ASCC3: variants seen among roughly 807,000 people sequenced by gnomAD.
ASCC3 encodes the protein activating signal cointegrator 1 complex subunit 3.
Under a neutral mutation model 256.3 loss-of-function variants are expected in ASCC3, and 158 were observed. The observed-to-expected ratio is 0.62, with a 90% CI of 0.54 to 0.70. The LOEUF (loss-of-function observed/expected upper bound fraction) is 0.70, where lower values mean the gene tolerates loss of function less well. Ranked by LOEUF, ASCC3 falls within the 30% of genes least tolerant of loss-of-function variation. The pLI is 0.00. For synonymous variants in ASCC3, 948 were observed against 883.4 expected (o/e 1.07, Z -1.30); for missense variants, 2,259 against 2,626.0 (o/e 0.86, Z 3.05).
chr6:100,544,060 A>T (rs1399803511), intron 36 of ASCC3, among the ~76,000 whole-genome samples: 1 of 152,064 alleles, frequency 6.6e-6, no homozygotes, highest in Non-Finnish European at 1.5e-5. Flanking sequence ...TAAGTAATAC[A>T]CCTCTAACTC....
intron 1 of ASCC3, among the ~76,000 whole-genome samples, chr6:100,875,602 A>G (rs1275514829): frequency 6.6e-6 from 1 of 152,156 alleles, no homozygotes; most frequent in Non-Finnish European, 1.5e-5. Flanking sequence ...ATGCCCATTC[A>G]TGCACTCCAC....
intron 8 of ASCC3, 59 bp from the exon 9 acceptor site, chr6:100,767,404 T>C: frequency 6.8e-7 from 1 of 1,472,996 alleles, no homozygotes; most frequent in South Asian, 1.1e-5. Flanking sequence ...CCCATACAAA[T>C]CATTATGTGT....
intron 3 of ASCC3, among the ~76,000 whole-genome samples, chr6:100,852,751 A>G (rs1019758497): frequency 3.9e-5 from 6 of 152,206 alleles, no homozygotes; most frequent in African/African-American, 1.4e-4. Context: ...AAGGTACTCT[A>G]GAAACCTACA....
At chr6:100,877,523 A>G (rs961064240) in intron 1 of ASCC3, among the ~76,000 whole-genome samples, 6 of 152,232 alleles carry the variant, frequency 3.9e-5, no homozygotes, top group Admixed American at 3.9e-4. Context: ...ACACATATTT[A>G]TAATCCTCCA....
At chr6:100,686,737 A>G (rs1022605803) in intron 13 of ASCC3, among the ~76,000 whole-genome samples, 1 of 152,180 alleles carries the variant, frequency 6.6e-6, no homozygotes, top group Non-Finnish European at 1.5e-5. Flanking sequence ...GTTTGTGAAT[A>G]TATCTGTTGG....
intron 3 of ASCC3, chr6:100,859,269 C>T (rs542333590): frequency 1.2e-5 from 9 of 777,562 alleles, no homozygotes; most frequent in Non-Finnish European, 2.2e-5. Flanking sequence ...CACATCTTGG[C>T]CCCAAAAATC....
At chr6:100,625,427 G>A in intron 29 of ASCC3, 93 bp from the exon 30 acceptor site, 1 of 1,426,158 alleles carries the variant, frequency 7.0e-7, no homozygotes, top group Non-Finnish European at 9.9e-7. Context: ...GAAAACTAAT[G>A]ATGTAAACAA....
intron 21 of ASCC3, 96 bp from the exon 22 acceptor site, chr6:100,646,865 T>G: frequency 1.6e-6 from 2 of 1,289,532 alleles, no homozygotes; most frequent in Non-Finnish European, 2.2e-6. Context: ...GTGATTTTAT[T>G]GCTTGTTTTA....
chr6:100,707,725 G>A (rs1411370968), intron 13 of ASCC3, among the ~76,000 whole-genome samples: 1 of 152,116 alleles, frequency 6.6e-6, no homozygotes, highest in African/African-American at 2.4e-5. Context: ...GGTTCACGAT[G>A]ATTGTCCCAA....
At chr6:100,576,490 C>T (rs1336913553) in intron 36 of ASCC3, among the ~76,000 whole-genome samples, 2 of 151,314 alleles carry the variant, frequency 1.3e-5, no homozygotes, top group Admixed American at 6.6e-5. Context: ...TAGAATATGT[C>T]GAAAAGGAAA....
In ASCC3 at chr6:100,520,380, A is replaced by G. The variant is rs899359113; in HGVS notation, c.5776-2238T>C. On this transcript the variant is annotated intron_variant, in intron 37 of 41. Transcript: ENST00000369162. ...TTAGTAGAGCAATACGTAACTACTCATATTTTCCCACAATGAGCCTTGCTT... is the reference window on the plus strand; with the variant it reads ...TTAGTAGAGCAATACGTAACTACTCGTATTTTCCCACAATGAGCCTTGCTT... Among the ~76,000 whole-genome samples the G allele has an allele frequency of 6.0e-5, 9 of 150,802 alleles. 1 individual carries two copies. The highest frequency in any genetic ancestry group is 2.2e-4 in the African/African-American group (9 of 41,044).
intron 11 of ASCC3, among the ~76,000 whole-genome samples, chr6:100,724,366 G>C (rs899989550): frequency 6.6e-6 from 1 of 151,820 alleles, no homozygotes; most frequent in Admixed American, 6.6e-5. Context: ...GCAATGACCA[G>C]ACTGCAGTGG....
At chr6:100,546,092 T>C (rs765877817) in intron 36 of ASCC3, among the ~76,000 whole-genome samples, 2 of 152,220 alleles carry the variant, frequency 1.3e-5, no homozygotes, top group East Asian at 3.8e-4. Context: ...AAAAATTGAT[T>C]GTATTTTTCT....
At chr6:100,533,056 C>A (rs1774993168) in intron 37 of ASCC3, among the ~76,000 whole-genome samples, 1 of 151,052 alleles carries the variant, frequency 6.6e-6, no homozygotes, top group Admixed American at 6.6e-5. Context: ...CTGATTAATT[C>A]ACATATGCTG....
intron 37 of ASCC3, chr6:100,530,717 A>G: frequency 1.0e-6 from 1 of 957,684 alleles, no homozygotes; most frequent in Non-Finnish European, 1.7e-6. Flanking sequence ...TGTAACAAGA[A>G]TTGAAAGAAC....
chr6:100,657,112 A>G (rs1249876102), intron 16 of ASCC3, among the ~76,000 whole-genome samples: 1 of 151,294 alleles, frequency 6.6e-6, no homozygotes, highest in Non-Finnish European at 1.5e-5. Flanking sequence ...TTAGTAATCT[A>G]TAATTTTCAT....
At chr6:100,523,284 T>C (rs1216435261) in intron 37 of ASCC3, among the ~76,000 whole-genome samples, 1 of 152,040 alleles carries the variant, frequency 6.6e-6, no homozygotes, top group East Asian at 1.9e-4. Context: ...TTCTATCTTC[T>C]GTAAGCTTTA....
rs138853503 is a variant in ASCC3, at chr6:100,521,182, C to T, written c.5776-3040G>A. On this transcript the variant is annotated intron_variant, in intron 37 of 41. Transcript: ENST00000369162. The stretch of plus-strand genomic sequence containing the variant: ...GTCAGATAAACATAAAGTAATCCCC[C>T]CTTATCTGTAGGGAATATATTCTAA... 7.1e-3 allele frequency among the ~76,000 whole-genome samples: 1,079 copies of T among 152,124 alleles called. 11 individuals carry two copies. Among genetic ancestry groups the T allele is most frequent in the African/African-American group, 0.024 (1,003 of 41,508 alleles).
intron 25 of ASCC3, among the ~76,000 whole-genome samples, chr6:100,636,718 T>C (rs1441487639): frequency 1.3e-5 from 2 of 152,146 alleles, no homozygotes; most frequent in East Asian, 1.9e-4. Context: ...ATTGAACACA[T>C]GAATGATAAG....
Sources: allele counts gnomAD v4.1 joint callset (sites outside exome capture counted in the v4.1 genomes callset), GRCh38; gene constraint gnomAD v4.1.1; transcripts MANE v1.5; gene names NCBI Gene and HGNC (gene_info 2026-07-23, HGNC 2026-07-21).